Variants in ROBO1 observed in about 807,000 individuals in gnomAD.
The protein encoded by ROBO1 is roundabout homolog 1.
A neutral mutation model predicts 195.9 loss-of-function variants in ROBO1; 149 were observed. The observed-to-expected ratio is 0.76, with a 90% CI of 0.67 to 0.87. ROBO1 has a LOEUF of 0.87. Among genes scored for constraint, ROBO1 ranks in the 40% least tolerant of loss-of-function variants. ROBO1 has a pLI of 0.00. For synonymous variants in ROBO1, 816 were observed against 733.2 expected (o/e 1.11, Z -1.82); for missense variants, 1,933 against 2,068.3 (o/e 0.93, Z 1.27).
chr3:78,764,813 G>A (rs1408870583), intron 4 of ROBO1, among the ~76,000 whole-genome samples: 1 of 152,088 alleles, frequency 6.6e-6, no homozygotes, highest in Non-Finnish European at 1.5e-5. Flanking sequence ...ATTGCTACCT[G>A]TCACAGAGAC....
rs565549416 is a variant in ROBO1 at position 79,125,508 on chromosome 3, G to T, written c.120C>A (p.His40Gln). The change falls in exon 3 of 31, where the codon CAC (histidine) becomes CAA (glutamine). Residue 40 changes from histidine to glutamine, a missense_variant. Physicochemically the swap from His to Gln is conservative, Grantham distance 24 (BLOSUM62 0). Transcript: ENST00000464233. ...DPEDVERGND[H>Q]GTPIPTSDND... The stretch of plus-strand genomic sequence containing the variant: ...TATCAGAGGTGGGGATTGGCGTCCC[G>T]TGGTCGTTCCCCCTCTCTACATCTT... 1 of 1,613,646 alleles carries T rather than the reference G, an allele frequency of 6.2e-7. No homozygotes were observed. Among genetic ancestry groups the T allele is most frequent in the South Asian group, 1.1e-5 (1 of 91,014 alleles).
At chr3:79,420,275 G>C (rs911716847) in intron 2 of ROBO1, among the ~76,000 whole-genome samples, 1 of 152,040 alleles carries the variant, frequency 6.6e-6, no homozygotes, top group Non-Finnish European at 1.5e-5. Flanking sequence ...TGTGAAAAAA[G>C]AATGCTTTAT....
At chr3:79,537,491 G>A (rs1343013044) in intron 2 of ROBO1, among the ~76,000 whole-genome samples, 1 of 152,034 alleles carries the variant, frequency 6.6e-6, no homozygotes, top group Non-Finnish European at 1.5e-5. Flanking sequence ...ATTGGCTATG[G>A]GCAGCTCTGT....
At chr3:79,128,782 C>T (rs2080265425) in intron 2 of ROBO1, among the ~76,000 whole-genome samples, 1 of 152,054 alleles carries the variant, frequency 6.6e-6, no homozygotes, top group Admixed American at 6.6e-5. Context: ...GTGATCAATT[C>T]CAATTTTATA....
chr3:79,475,286 C>T (rs535123444), intron 2 of ROBO1, among the ~76,000 whole-genome samples: 19 of 151,930 alleles, frequency 1.3e-4, no homozygotes, highest in Non-Finnish European at 2.1e-4. Flanking sequence ...TGAACTATTA[C>T]GTACTTTATC....
intron 25 of ROBO1, among the ~76,000 whole-genome samples, chr3:78,630,188 G>A (rs1705099523): frequency 6.6e-6 from 1 of 152,146 alleles, no homozygotes; most frequent in African/African-American, 2.4e-5. Context: ...GTTATGTATT[G>A]GTCAGTGGAC....
At chr3:79,049,863 C>G (rs907732157) in intron 3 of ROBO1, among the ~76,000 whole-genome samples, 1 of 152,054 alleles carries the variant, frequency 6.6e-6, no homozygotes, top group Admixed American at 6.5e-5. Context: ...TTTGTCACTA[C>G]CAGACCTGCC....
At chr3:79,418,961 T>G (rs1274378737) in intron 2 of ROBO1, among the ~76,000 whole-genome samples, 1 of 152,130 alleles carries the variant, frequency 6.6e-6, no homozygotes, top group Non-Finnish European at 1.5e-5. Context: ...GAATGATGAC[T>G]AGTGTTACGA....
intron 3 of ROBO1, among the ~76,000 whole-genome samples, chr3:78,950,325 G>T (rs924966104): frequency 6.6e-6 from 1 of 151,980 alleles, no homozygotes; most frequent in Admixed American, 6.6e-5. Flanking sequence ...GGAATACTAT[G>T]CAACCATAAA....
intron 5 of ROBO1, among the ~76,000 whole-genome samples, chr3:78,721,807 T>C (rs1273574263): frequency 6.6e-6 from 1 of 152,176 alleles, no homozygotes; most frequent in Non-Finnish European, 1.5e-5. Flanking sequence ...CTTGGGAATG[T>C]AGAGTTTTAA....
chr3:78,947,654 C>G (rs200422689), intron 3 of ROBO1, among the ~76,000 whole-genome samples: 2 of 151,984 alleles, frequency 1.3e-5, no homozygotes, highest in Non-Finnish European at 2.9e-5. Context: ...GCTAGCAGAA[C>G]ACAAGAAATA....
At chr3:78,894,167 A>G (rs2037094159) in intron 4 of ROBO1, among the ~76,000 whole-genome samples, 1 of 152,216 alleles carries the variant, frequency 6.6e-6, no homozygotes, top group South Asian at 2.1e-4. Flanking sequence ...AAAAAGGAAC[A>G]TAAATTAATA....
chr3:79,656,326 A>T (rs1290783427), intron 1 of ROBO1, among the ~76,000 whole-genome samples: 2 of 151,912 alleles, frequency 1.3e-5, no homozygotes, highest in Non-Finnish European at 2.9e-5. Flanking sequence ...ATTACTACCC[A>T]TTGAGACACA....
intron 5 of ROBO1, among the ~76,000 whole-genome samples, chr3:78,726,118 G>C (rs774817898): frequency 6.6e-6 from 1 of 151,990 alleles, no homozygotes; most frequent in Non-Finnish European, 1.5e-5. Flanking sequence ...TATATTAAGG[G>C]CTTCAAAGAT....
At chr3:79,249,651 G>A (rs2082683968) in intron 2 of ROBO1, among the ~76,000 whole-genome samples, 2 of 152,162 alleles carry the variant, frequency 1.3e-5, no homozygotes, top group African/African-American at 4.8e-5. Context: ...AGGTGAGTAA[G>A]TGCAATTTTC....
intron 2 of ROBO1, among the ~76,000 whole-genome samples, chr3:79,416,799 A>C (rs1559883759): frequency 2.0e-5 from 3 of 152,132 alleles, no homozygotes; most frequent in African/African-American, 7.2e-5. Flanking sequence ...TTTGTAGGAT[A>C]ATGTACTTGT....
intron 3 of ROBO1, among the ~76,000 whole-genome samples, chr3:79,096,871 G>A (rs1340226257): frequency 2.0e-5 from 3 of 151,534 alleles, no homozygotes; most frequent in Admixed American, 6.6e-5. Context: ...CTCAATAAAA[G>A]GATTGAGTTT....
At chr3:79,372,651 G>A (rs905020908) in intron 2 of ROBO1, among the ~76,000 whole-genome samples, 1 of 152,068 alleles carries the variant, frequency 6.6e-6, no homozygotes, top group African/African-American at 2.4e-5. Flanking sequence ...ATAGTCAGAA[G>A]GTGAGAAGCT....
Position 78,659,718 on chromosome 3 carries a change from C to T in ROBO1, c.2410G>A (p.Asp804Asn). The change falls in exon 17 of 31, where the codon GAC (aspartate) becomes AAC (asparagine). Residue 804 changes from aspartate (D) to asparagine (N), a missense_variant. By Grantham distance (23) the Asp-to-Asn change is conservative. Around this residue, in one of 3 missense-constraint regions of ROBO1, gnomAD observed 1,737 missense variants for 1,882.5 expected, o/e 0.92. Transcript: ENST00000464233. ...TCTTGGACCATTCCATTTTGAGTGT[C>T]TTCTGGAGGTGGCTGCCAACTAACT... Reference protein sequence around the residue: ...ILVSWQPPPEDTQNGMVQEYK... With the variant: ...ILVSWQPPPENTQNGMVQEYK... 6.4e-7 allele frequency: 1 copy of T among 1,563,134 alleles called. No homozygotes were observed. The highest frequency in any genetic ancestry group is 8.7e-7 in the Non-Finnish European group (1 of 1,152,178).
Sources: allele counts gnomAD v4.1 joint callset (sites outside exome capture counted in the v4.1 genomes callset), GRCh38; gene constraint gnomAD v4.1.1; regional missense constraint gnomAD v4.1.1; transcripts MANE v1.5; gene names NCBI Gene and HGNC (gene_info 2026-07-23, HGNC 2026-07-21).